Variants in SNTG1 observed in about 807,000 individuals in gnomAD.
The protein encoded by SNTG1 is gamma-1-syntrophin.
SNTG1 carries 39 observed loss-of-function variants against 74.7 expected under a neutral mutation model. The observed-to-expected ratio is 0.52, with a 90% confidence interval of 0.40 to 0.68. The LOEUF (loss-of-function observed/expected upper bound fraction) is 0.68, where lower values mean the gene tolerates loss of function less well. Ranked by LOEUF, SNTG1 falls within the 30% of genes least tolerant of loss-of-function variation. The pLI, the probability that SNTG1 is intolerant of heterozygous loss-of-function variation, is 0.00. For synonymous variants in SNTG1, 254 were observed against 217.1 expected, an observed-to-expected ratio of 1.17 and a Z score of -1.49; for missense variants, 685 against 609.5, an observed-to-expected ratio of 1.12 and a Z score of -1.30.
At chr8:50,689,512 G>A (rs1008899771) in intron 15 of SNTG1, among the ~76,000 whole-genome samples, 22 of 152,184 alleles carry the variant, frequency 1.4e-4, no homozygotes, top group African/African-American at 5.3e-4. Flanking sequence ...TAATCATGTG[G>A]TTTTTGTCTT....
chr8:50,243,733 C>A (rs2086268038), intron 2 of SNTG1, among the ~76,000 whole-genome samples: 1 of 151,454 alleles, frequency 6.6e-6, no homozygotes, highest in African/African-American at 2.4e-5. Flanking sequence ...ATTACATGTT[C>A]TAGAATGTTA....
intron 18 of SNTG1, among the ~76,000 whole-genome samples, chr8:50,758,977 T>A (rs1393669604): frequency 6.6e-6 from 1 of 152,106 alleles, no homozygotes; most frequent in Non-Finnish European, 1.5e-5. Flanking sequence ...CAGCATGTGC[T>A]ATTTCCTGAC....
At chr8:50,666,048 C>T (rs954560373) in intron 15 of SNTG1, among the ~76,000 whole-genome samples, 6 of 152,096 alleles carry the variant, frequency 3.9e-5, no homozygotes, top group Non-Finnish European at 5.9e-5. Context: ...AGCAAAATAG[C>T]AGGTTCATGA....
intron 1 of SNTG1, among the ~76,000 whole-genome samples, chr8:50,077,840 CTG>C (rs1288195613): frequency 3.3e-5 from 5 of 152,016 alleles, no homozygotes; most frequent in African/African-American, 9.7e-5. Flanking sequence ...GCATGTGTGT[CTG>C]TGTGTGTATG....
At chr8:50,143,038 C>T (rs945087587) in intron 1 of SNTG1, among the ~76,000 whole-genome samples, 2 of 152,008 alleles carry the variant, frequency 1.3e-5, no homozygotes, top group Admixed American at 1.3e-4. Flanking sequence ...CACTCCACTG[C>T]ACTCCAGCCT....
chr8:49,953,003 C>A (rs1403265757), intron 1 of SNTG1, among the ~76,000 whole-genome samples: 1 of 152,016 alleles, frequency 6.6e-6, no homozygotes, highest in Non-Finnish European at 1.5e-5. Context: ...TGCAGAGATG[C>A]AAATCAATAG....
chr8:49,924,947 C>T (rs536496102), intron 1 of SNTG1, among the ~76,000 whole-genome samples: 5 of 151,820 alleles, frequency 3.3e-5, no homozygotes, highest in African/African-American at 4.8e-5. Flanking sequence ...GCCAGGAGTT[C>T]GAGATCAGCC....
chr8:50,576,619 G>T (rs2094578107), intron 12 of SNTG1, among the ~76,000 whole-genome samples: 1 of 151,902 alleles, frequency 6.6e-6, no homozygotes, highest in South Asian at 2.1e-4. Context: ...CCATTTATTT[G>T]TCTTGTTTAA....
intron 3 of SNTG1, among the ~76,000 whole-genome samples, chr8:50,400,357 G>T (rs1418281362): frequency 6.6e-6 from 1 of 151,976 alleles, no homozygotes; most frequent in Non-Finnish European, 1.5e-5. Flanking sequence ...CTTTTTTATG[G>T]CTGAATAGTG....
intron 9 of SNTG1, among the ~76,000 whole-genome samples, chr8:50,525,832 A>G (rs2094215348): frequency 8.8e-6 from 1 of 113,842 alleles, no homozygotes; most frequent in African/African-American, 6.3e-5. Context: ...TTTAAAGATA[A>G]TTTACAGACC....
intron 2 of SNTG1, among the ~76,000 whole-genome samples, chr8:50,369,657 G>A (rs948989388): frequency 1.5e-4 from 22 of 151,448 alleles, no homozygotes; most frequent in East Asian, 1.4e-3. Flanking sequence ...TCTACCAAGT[G>A]AGGACACAGC....
chr8:50,159,210 T>C (rs1383632911), intron 1 of SNTG1, among the ~76,000 whole-genome samples: 1 of 152,200 alleles, frequency 6.6e-6, no homozygotes, highest in Non-Finnish European at 1.5e-5. Context: ...TATTCCTTTT[T>C]TTTCACTTGC....
chr8:50,165,644 A>G (rs1187623060), intron 1 of SNTG1, among the ~76,000 whole-genome samples: 1 of 152,212 alleles, frequency 6.6e-6, no homozygotes, highest in Middle Eastern at 3.2e-3. Context: ...CACTATGGCC[A>G]TGCCATTTTT....
chr8:49,975,409 G>T (rs561019083), intron 1 of SNTG1, among the ~76,000 whole-genome samples: 1 of 152,230 alleles, frequency 6.6e-6, no homozygotes, highest in African/African-American at 2.4e-5. Context: ...AGCTATTCAA[G>T]GAAGCTTCCT....
intron 17 of SNTG1, among the ~76,000 whole-genome samples, chr8:50,739,692 T>A (rs1225642417): frequency 6.6e-6 from 1 of 151,676 alleles, no homozygotes; most frequent in Non-Finnish European, 1.5e-5. Context: ...AAAAATAAAA[T>A]AAATACAACG....
chr8:50,728,565 G>A (rs953303288), intron 17 of SNTG1, among the ~76,000 whole-genome samples: 1 of 152,098 alleles, frequency 6.6e-6, no homozygotes, highest in African/African-American at 2.4e-5. Flanking sequence ...AGCCACATTG[G>A]TGGCACCTTG....
chr8:49,926,607 T>C (rs1180435329), intron 1 of SNTG1, among the ~76,000 whole-genome samples: 1 of 152,140 alleles, frequency 6.6e-6, no homozygotes, highest in Non-Finnish European at 1.5e-5. Flanking sequence ...GAATCATTCA[T>C]CCAAATGTAA....
intron 2 of SNTG1, among the ~76,000 whole-genome samples, chr8:50,337,796 T>C (rs958203013): frequency 6.6e-6 from 1 of 152,204 alleles, no homozygotes; most frequent in Non-Finnish European, 1.5e-5. Context: ...AGCATAATAA[T>C]AGTGAAATAT....
chr8:50,210,812 A>G (rs1353661992), intron 2 of SNTG1, among the ~76,000 whole-genome samples: 2 of 152,186 alleles, frequency 1.3e-5, no homozygotes, highest in Admixed American at 6.6e-5. Flanking sequence ...AAACAAAAAC[A>G]AAAAACATAA....
Sources: allele counts gnomAD v4.1 joint callset (sites outside exome capture counted in the v4.1 genomes callset), GRCh38; gene constraint gnomAD v4.1.1; transcripts MANE v1.5; gene names NCBI Gene and HGNC (gene_info 2026-07-23, HGNC 2026-07-21).